TAS2R1: variants seen among roughly 807,000 people sequenced by gnomAD.
The protein encoded by TAS2R1 is taste receptor type 2 member 1.
For missense variants in TAS2R1, 370 were observed against 353.4 expected (o/e 1.05, Z -0.38); for synonymous variants, 141 against 134.2 (o/e 1.05, Z -0.35).
chr5:9,888,270 C>T, the TAS2R1 span, among the ~76,000 whole-genome samples: 5 of 152,104 alleles, frequency 3.3e-5, no homozygotes, highest in Admixed American at 6.5e-5. Context: ...TCTGAAACAC[C>T]CCTGAAGCCC....
At chr5:9,846,476 C>G in the TAS2R1 span, among the ~76,000 whole-genome samples, 54 of 152,200 alleles carry the variant, frequency 3.5e-4, no homozygotes, top group African/African-American at 1.3e-3. Flanking sequence ...TTAGAACACA[C>G]TTCTCCTCTC....
chr5:9,886,981 T>G, the TAS2R1 span, among the ~76,000 whole-genome samples: 1 of 152,192 alleles, frequency 6.6e-6, no homozygotes, highest in African/African-American at 2.4e-5. Flanking sequence ...CACTGGAATG[T>G]TCTCATCCTT....
the TAS2R1 span, among the ~76,000 whole-genome samples, chr5:9,817,539 T>C: frequency 6.6e-6 from 1 of 152,188 alleles, no homozygotes; most frequent in Non-Finnish European, 1.5e-5. Context: ...ATGTTCTAGT[T>C]AGATAGTGGT....
intron 1 of TAS2R1, among the ~76,000 whole-genome samples, chr5:9,666,315 C>A (rs977990852): frequency 6.6e-6 from 1 of 152,138 alleles, no homozygotes; most frequent in African/African-American, 2.4e-5. Context: ...CTAGAGCTGA[C>A]ATAACAATAG....
At chr5:9,739,388 G>A in the TAS2R1 span, among the ~76,000 whole-genome samples, 2 of 152,154 alleles carry the variant, frequency 1.3e-5, no homozygotes, top group African/African-American at 4.8e-5. Context: ...ACCCCTGGAG[G>A]CACTATGTGT....
At chr5:9,642,401 A>G (rs1333138262) in intron 2 of TAS2R1, among the ~76,000 whole-genome samples, 3 of 152,200 alleles carry the variant, frequency 2.0e-5, no homozygotes, top group Non-Finnish European at 4.4e-5. Flanking sequence ...TGAGCAAACC[A>G]ACCCAGACAT....
chr5:9,669,541 C>T (rs952519976), intron 1 of TAS2R1, among the ~76,000 whole-genome samples: 3 of 152,002 alleles, frequency 2.0e-5, no homozygotes, highest in African/African-American at 4.8e-5. Context: ...TTTTAAACAA[C>T]CAAAATTATA....
At chr5:9,786,467 A>G in the TAS2R1 span, among the ~76,000 whole-genome samples, 2 of 152,334 alleles carry the variant, frequency 1.3e-5, no homozygotes, top group East Asian at 3.9e-4. Flanking sequence ...AAGGTGAGTA[A>G]GTGGTGCCTA....
At chr5:9,826,691 T>C in the TAS2R1 span, among the ~76,000 whole-genome samples, 1 of 152,210 alleles carries the variant, frequency 6.6e-6, no homozygotes, top group African/African-American at 2.4e-5. Context: ...TCAGTGACCA[T>C]GTACTACTTC....
chr5:9,630,071 G>A lies in TAS2R1; in HGVS notation c.-39C>T. 6.7e-7 allele frequency: 1 copy of A among 1,484,608 alleles called. No homozygotes were observed. The highest frequency in any genetic ancestry group is 1.4e-5 in the South Asian group (1 of 69,738). The allele number at this position is 1,484,608 out of a possible 1,614,324, so 92.0% of individuals were successfully genotyped here. On this transcript the variant is annotated 5_prime_UTR_variant, in exon 1 of 1. Coordinates refer to ENST00000382492, the MANE Select transcript of TAS2R1 (RefSeq NM_019599.3). ...AATTATTTACTTAAAAAATAATGAA[G>A]TTATAAAGTTTTGGACAGGTTGGGT...
chr5:9,660,056 C>CTTTTTTTTTTTTTTTTTTTT (rs1171409076), intron 1 of TAS2R1: 1 of 123,116 alleles, frequency 8.1e-6, no homozygotes, highest in African/African-American at 3.1e-5. Flanking sequence ...TGAAATATTT[C>CTTTTTTTTTTTTTTTTTTTT]TTTTTTTTTT....
chr5:9,773,874 A>G, the TAS2R1 span, among the ~76,000 whole-genome samples: 1 of 152,118 alleles, frequency 6.6e-6, no homozygotes, highest in East Asian at 1.9e-4. Flanking sequence ...AGTGCTTGCT[A>G]ATTAAATGTC....
At chr5:9,803,967 C>T in the TAS2R1 span, among the ~76,000 whole-genome samples, 1 of 152,104 alleles carries the variant, frequency 6.6e-6, no homozygotes, top group South Asian at 2.1e-4. Flanking sequence ...AAGAATTCAC[C>T]AACCAAGTTT....
At chr5:9,847,666 C>T in the TAS2R1 span, among the ~76,000 whole-genome samples, 103 of 152,302 alleles carry the variant, frequency 6.8e-4, no homozygotes, top group African/African-American at 2.3e-3. Context: ...GTTGGTGCCA[C>T]CTTGAGACAA....
chr5:9,881,127 T>G, the TAS2R1 span, among the ~76,000 whole-genome samples: 1 of 152,064 alleles, frequency 6.6e-6, no homozygotes, highest in South Asian at 2.1e-4. Context: ...GCAGCCAGAG[T>G]GCCCCAAAGT....
chr5:9,762,836 A>G, the TAS2R1 span, among the ~76,000 whole-genome samples: 1 of 152,214 alleles, frequency 6.6e-6, no homozygotes, highest in Non-Finnish European at 1.5e-5. Flanking sequence ...TACTTAGGAA[A>G]TTATTCCACT....
chr5:9,839,690 C>CACT, the TAS2R1 span, among the ~76,000 whole-genome samples: 1 of 152,002 alleles, frequency 6.6e-6, no homozygotes, highest in Non-Finnish European at 1.5e-5. Context: ...AGGCATTGAG[C>CACT]GTTTTGCAAG....
intron 1 of TAS2R1, among the ~76,000 whole-genome samples, chr5:9,676,449 C>T (rs1740877374): frequency 6.6e-6 from 1 of 152,070 alleles, no homozygotes; most frequent in African/African-American, 2.4e-5. Flanking sequence ...AGAAATAGAC[C>T]TACACAAAAT....
chr5:9,839,768 C>CTT, the TAS2R1 span, among the ~76,000 whole-genome samples: 1 of 146,122 alleles, frequency 6.8e-6, no homozygotes, highest in South Asian at 2.2e-4. Context: ...AAACACACGT[C>CTT]TTTTTTTTTT....
Sources: allele counts gnomAD v4.1 joint callset (sites outside exome capture counted in the v4.1 genomes callset), GRCh38; gene constraint gnomAD v4.1.1; transcripts MANE v1.5; gene names NCBI Gene and HGNC (gene_info 2026-07-23, HGNC 2026-07-21).